CIMAP1D: variants seen among roughly 807,000 people sequenced by gnomAD.
The protein encoded by CIMAP1D is CIMAP1 family member D.
chr19:479,756 T>C, the CIMAP1D span, among the ~76,000 whole-genome samples: 2 of 151,844 alleles, frequency 1.3e-5, no homozygotes, highest in Non-Finnish European at 2.9e-5. Flanking sequence ...CAGGCTGGTC[T>C]CGATCTCCTG....
chr19:474,668 G>A, the CIMAP1D span: 114 of 1,582,122 alleles, frequency 7.2e-5, no homozygotes, highest in East Asian at 9.4e-4. Flanking sequence ...GCCGGTCTCC[G>A]GAATCTGGCC....
chr19:475,931 G>A, the CIMAP1D span, among the ~76,000 whole-genome samples: 8 of 146,084 alleles, frequency 5.5e-5, no homozygotes, highest in South Asian at 2.1e-4. Flanking sequence ...CCGCCACCAC[G>A]CCTGACTAAT....
the CIMAP1D span, chr19:472,729 C>T: frequency 1.9e-6 from 1 of 518,146 alleles, no homozygotes; most frequent in Non-Finnish European, 3.4e-6. Flanking sequence ...CCCCCTCACC[C>T]TGGGGCACAG....
chr19:485,611 C>A, the CIMAP1D span, among the ~76,000 whole-genome samples: 764 of 152,342 alleles, frequency 5.0e-3, 7 homozygotes, highest in African/African-American at 0.018. Context: ...TAGCGATCCT[C>A]CCACCTCAGC....
At chr19:477,748 C>T in the CIMAP1D span, among the ~76,000 whole-genome samples, 6 of 152,322 alleles carry the variant, frequency 3.9e-5, no homozygotes, top group African/African-American at 9.6e-5. Flanking sequence ...CTGCGAGCTC[C>T]GCCTCCCGGG....
At chr19:473,742 G>A in the CIMAP1D span, among the ~76,000 whole-genome samples, 766 of 76,726 alleles carry the variant, frequency 1.0e-2, no homozygotes, top group African/African-American at 0.027. Context: ...CAGATGGGGA[G>A]ACTGAGGCCC....
At chr19:467,566 G>T in the CIMAP1D span, 2 of 881,454 alleles carry the variant, frequency 2.3e-6, no homozygotes, top group Non-Finnish European at 3.9e-6. Context: ...CCAAGGATAA[G>T]AGGGGGAGGG....
the CIMAP1D span, among the ~76,000 whole-genome samples, chr19:479,411 TG>T: frequency 0.098 from 3,263 of 33,276 alleles, 145 homozygotes; most frequent in South Asian, 0.26. Flanking sequence ...TTTTTTTTTT[TG>T]GGGGGGGGGG....
the CIMAP1D span, among the ~76,000 whole-genome samples, chr19:473,602 A>G: frequency 7.2e-3 from 296 of 41,104 alleles, no homozygotes; most frequent in Middle Eastern, 0.045. Flanking sequence ...AGAGATACAC[A>G]GTCACAGATG....
At chr19:482,238 C>G in the CIMAP1D span, among the ~76,000 whole-genome samples, 5 of 152,226 alleles carry the variant, frequency 3.3e-5, no homozygotes, top group African/African-American at 1.2e-4. Context: ...TCCTCCCAGC[C>G]TGGCATGTTT....
At chr19:464,019 C>T in the CIMAP1D span, 15 of 1,606,048 alleles carry the variant, frequency 9.3e-6, no homozygotes, top group African/African-American at 4.0e-5. Flanking sequence ...CTCCAGGGGT[C>T]GCGGGGCCCG....
At chr19:464,753 A>T in the CIMAP1D span, among the ~76,000 whole-genome samples, 1 of 152,292 alleles carries the variant, frequency 6.6e-6, no homozygotes, top group South Asian at 2.1e-4. Flanking sequence ...CATAAAAAGG[A>T]AGGCATGTCA....
At chr19:472,623 C>A in the CIMAP1D span, 1 of 613,586 alleles carries the variant, frequency 1.6e-6, no homozygotes, top group East Asian at 3.3e-5. Flanking sequence ...ATTGGGGGCC[C>A]CGGGGAGCAA....
the CIMAP1D span, among the ~76,000 whole-genome samples, chr19:487,856 C>T: frequency 2.0e-5 from 3 of 152,200 alleles, no homozygotes; most frequent in South Asian, 2.1e-4. Context: ...GCAGACAGCC[C>T]GGCGCTGTGC....
chr19:469,640 G>A, the CIMAP1D span, among the ~76,000 whole-genome samples: 12 of 152,162 alleles, frequency 7.9e-5, 1 homozygote, highest in African/African-American at 2.9e-4. Flanking sequence ...GCCGTGAGCC[G>A]AGATCGCACC....
the CIMAP1D span, among the ~76,000 whole-genome samples, chr19:465,127 ATGAG>A: frequency 2.1e-5 from 1 of 47,224 alleles, no homozygotes; most frequent in Non-Finnish European, 4.5e-5. Flanking sequence ...GGATGGGTTG[ATGAG>A]TGGATGGATG....
At chr19:490,449 C>CAATACTG in the CIMAP1D span, 20,440 of 153,422 alleles carry the variant, frequency 0.13, 2,700 homozygotes, top group African/African-American at 0.33. Context: ...GATTCATAAG[C>CAATACTG]AATACATGTT....
chr19:475,888 C>T, the CIMAP1D span, among the ~76,000 whole-genome samples: 2 of 151,652 alleles, frequency 1.3e-5, no homozygotes, highest in Admixed American at 6.6e-5. Context: ...ATTATCCTGC[C>T]TCAGCCTCCT....
At chr19:480,932 T>TG in the CIMAP1D span, among the ~76,000 whole-genome samples, 30 of 108,992 alleles carry the variant, frequency 2.8e-4, no homozygotes, top group East Asian at 1.7e-3. Context: ...GGAAGGATGA[T>TG]GGGAAGGATG....
Sources: gnomAD v4.1 joint callset for allele counts (sites outside exome capture counted in the v4.1 genomes callset) on GRCh38, gnomAD v4.1.1 for gene constraint, MANE v1.5 for transcripts, NCBI Gene and HGNC (gene_info 2026-07-23, HGNC 2026-07-21) for gene names.